ENOX1: variants seen among roughly 807,000 people sequenced by gnomAD.
ENOX1 encodes the protein ecto-NOX disulfide-thiol exchanger 1.
In ENOX1, 42 loss-of-function variants were observed where a neutral mutation model predicts 82.5. The ratio of observed to expected loss-of-function variants is 0.51; its 90% CI spans 0.40 to 0.66. ENOX1 has a LOEUF of 0.66. Ranked by LOEUF, ENOX1 falls within the 30% of genes least tolerant of loss-of-function variation. The pLI, the probability that ENOX1 is intolerant of heterozygous loss-of-function variation, is 0.00. For synonymous variants in ENOX1, 271 were observed against 282.2 expected (o/e 0.96, Z 0.40); for missense variants, 608 against 811.6 (o/e 0.75, Z 3.05).
chr13:43,248,212 A>G (rs1272726668), intron 14 of ENOX1, among the ~76,000 whole-genome samples: 4 of 151,980 alleles, frequency 2.6e-5, no homozygotes, highest in Admixed American at 6.6e-5. Flanking sequence ...AAGAAAAAAT[A>G]TAAATAGTAG....
Position 43,334,626 on chromosome 13 carries a change from AC to A in ENOX1, c.1037-8102del, listed in dbSNP as rs1220459833. ...TGAATTTTCAATGCAAACAAGCCAAACATTGGAGGTTATGATGGAGCAGGAA... is the reference window on the plus strand; with the variant it reads ...TGAATTTTCAATGCAAACAAGCCAAAATTGGAGGTTATGATGGAGCAGGAA... On this transcript the variant is annotated intron_variant, in intron 9 of 16. Coordinates refer to ENST00000690772, the MANE Select transcript of ENOX1 (RefSeq NM_001347969.2). Among the ~76,000 whole-genome samples, 5 of 152,168 alleles carry A rather than the reference AC, an allele frequency of 3.3e-5. No individual in the cohort carries two copies. In the East Asian group the frequency reaches 9.6e-4, roughly 29 times the overall value.
intron 2 of ENOX1, among the ~76,000 whole-genome samples, chr13:43,526,832 A>G (rs553107636): frequency 6.6e-6 from 1 of 152,196 alleles, no homozygotes; most frequent in South Asian, 2.1e-4. Flanking sequence ...TTAATGGCCA[A>G]TGTGATAGGA....
intron 2 of ENOX1, among the ~76,000 whole-genome samples, chr13:43,528,723 G>A (rs536583293): frequency 6.6e-6 from 1 of 152,138 alleles, no homozygotes; most frequent in South Asian, 2.1e-4. Flanking sequence ...GGTTCAAAAA[G>A]TTTTCCACGA....
At chr13:43,305,897 G>A (rs985976382) in intron 11 of ENOX1, among the ~76,000 whole-genome samples, 6 of 152,222 alleles carry the variant, frequency 3.9e-5, no homozygotes, top group Non-Finnish European at 4.4e-5. Flanking sequence ...GCAAGCATGA[G>A]CTGAGCTCCC....
chr13:43,609,968 GTTGTT>G (rs1404440348), intron 2 of ENOX1: 3 of 912,892 alleles, frequency 3.3e-6, no homozygotes, highest in African/African-American at 1.8e-5. Context: ...CATTTTTAGA[GTTGTT>G]TTATCAGGAA....
intron 9 of ENOX1, among the ~76,000 whole-genome samples, chr13:43,329,435 T>C (rs1262637044): frequency 6.6e-6 from 1 of 151,964 alleles, no homozygotes; most frequent in Non-Finnish European, 1.5e-5. Flanking sequence ...GGTAAGTACA[T>C]CCCAAACTAT....
chr13:43,324,873 T>C (rs946569255), intron 10 of ENOX1, among the ~76,000 whole-genome samples: 1 of 152,210 alleles, frequency 6.6e-6, no homozygotes, highest in Non-Finnish European at 1.5e-5. Flanking sequence ...TTCAGATCAA[T>C]ATGTGACATT....
chr13:43,476,410 G>A (rs2058287795), intron 3 of ENOX1, among the ~76,000 whole-genome samples: 1 of 152,004 alleles, frequency 6.6e-6, no homozygotes, highest in Non-Finnish European at 1.5e-5. Context: ...ATGTGGTTCT[G>A]AAACAAAGAG....
chr13:43,330,229 CA>C (rs1457256896), intron 9 of ENOX1, among the ~76,000 whole-genome samples: 1 of 152,126 alleles, frequency 6.6e-6, no homozygotes, highest in Non-Finnish European at 1.5e-5. Context: ...AAGATATAAC[CA>C]GCAAACAAGA....
rs565124820 is a variant in ENOX1, at chr13:43,550,216, G to C, written c.-218-66064C>G. Among the ~76,000 whole-genome samples, 22 of 152,276 alleles carry C rather than the reference G, an allele frequency of 1.4e-4. 1 individual carries two copies. The highest frequency in any genetic ancestry group is 5.9e-4 in the Admixed American group (9 of 15,298). ...TCCTAACAGGCCACAAACTGGTATT[G>C]GTTTATGACCTGGGTGTTGGGGACC... On this transcript the variant is annotated intron_variant, in intron 2 of 16. Coordinates refer to ENST00000690772, the MANE Select transcript of ENOX1 (RefSeq NM_001347969.2).
intron 2 of ENOX1, among the ~76,000 whole-genome samples, chr13:43,583,938 G>C (rs982805750): frequency 6.6e-6 from 1 of 151,688 alleles, no homozygotes; most frequent in Non-Finnish European, 1.5e-5. Context: ...AAAAAACCCA[G>C]ATTGTAAAAG....
chr13:43,444,846 G>C (rs1260621341), intron 3 of ENOX1, among the ~76,000 whole-genome samples: 1 of 152,164 alleles, frequency 6.6e-6, no homozygotes, highest in Admixed American at 6.5e-5. Flanking sequence ...AAAAGAAGAT[G>C]GTTTGTTGGA....
At chr13:43,488,518 T>C (rs971386668) in intron 2 of ENOX1, among the ~76,000 whole-genome samples, 1 of 152,108 alleles carries the variant, frequency 6.6e-6, no homozygotes, top group African/African-American at 2.4e-5. Flanking sequence ...AAGGCAGAAA[T>C]TGGTGCCAGA....
At chr13:43,679,663 TC>T (rs1312654900) in intron 1 of ENOX1, among the ~76,000 whole-genome samples, 1 of 152,306 alleles carries the variant, frequency 6.6e-6, no homozygotes, top group East Asian at 1.9e-4. Flanking sequence ...GGTTAAATTA[TC>T]CCTAAGATCC....
chr13:43,657,186 A>G (rs1020794917), intron 2 of ENOX1, among the ~76,000 whole-genome samples: 3 of 152,242 alleles, frequency 2.0e-5, no homozygotes, highest in African/African-American at 4.8e-5. Context: ...GGAAGATCCA[A>G]TAAGACTACA....
chr13:43,378,349 G>A (rs940703089), intron 5 of ENOX1, among the ~76,000 whole-genome samples: 5 of 152,196 alleles, frequency 3.3e-5, no homozygotes, highest in African/African-American at 1.2e-4. Flanking sequence ...GTACCAGAGA[G>A]AAGAGAATAG....
At chr13:43,433,696 T>C (rs1172911766) in intron 3 of ENOX1, among the ~76,000 whole-genome samples, 1 of 152,228 alleles carries the variant, frequency 6.6e-6, no homozygotes, top group Non-Finnish European at 1.5e-5. Context: ...TTCAACACAT[T>C]TGTTCCTTTT....
intron 2 of ENOX1, among the ~76,000 whole-genome samples, chr13:43,486,343 C>G (rs998986897): frequency 3.3e-5 from 5 of 151,876 alleles, no homozygotes; most frequent in African/African-American, 1.2e-4. Flanking sequence ...AAGATTGCAC[C>G]ACTGCACTCG....
intron 2 of ENOX1, among the ~76,000 whole-genome samples, chr13:43,616,173 T>TATATAG (rs1566641952): frequency 1.4e-4 from 1 of 6,922 alleles, no homozygotes; most frequent in African/African-American, 2.8e-4. Flanking sequence ...TATCTATCTA[T>TATATAG]CTATCTATCT....
Sources: allele counts gnomAD v4.1 joint callset (sites outside exome capture counted in the v4.1 genomes callset), GRCh38; gene constraint gnomAD v4.1.1; transcripts MANE v1.5; gene names NCBI Gene and HGNC (gene_info 2026-07-23, HGNC 2026-07-21).